EFCAB5: variants seen among roughly 807,000 people sequenced by gnomAD.
The protein encoded by EFCAB5 is EF-hand calcium-binding domain-containing protein 5.
In EFCAB5, 131 loss-of-function variants were observed where a neutral mutation model predicts 167.9. That is an observed-to-expected ratio of 0.78 (90% confidence interval 0.68 to 0.90). EFCAB5 has a LOEUF of 0.90. Ranked by LOEUF, EFCAB5 falls within the 40% of genes least tolerant of loss-of-function variation. The pLI, the probability that EFCAB5 is intolerant of heterozygous loss-of-function variation, is 0.00. For synonymous variants in EFCAB5, 574 were observed against 602.8 expected (o/e 0.95, Z 0.70); for missense variants, 1,663 against 1,745.2 (o/e 0.95, Z 0.84).
At chr17:29,983,887 G>T (rs2068227280) in intron 4 of EFCAB5, among the ~76,000 whole-genome samples, 1 of 152,096 alleles carries the variant, frequency 6.6e-6, no homozygotes, top group Non-Finnish European at 1.5e-5. Context: ...GAGACCTAAA[G>T]CATGTGGAGG....
At chr17:29,986,637 ATTT>A (rs911310972) in intron 4 of EFCAB5, among the ~76,000 whole-genome samples, 4 of 58,056 alleles carry the variant, frequency 6.9e-5, no homozygotes, top group East Asian at 1.1e-3. Context: ...GAGTATATTC[ATTT>A]TTTTTTTTTT....
intron 3 of EFCAB5, among the ~76,000 whole-genome samples, chr17:29,956,070 G>A (rs965763846): frequency 6.6e-6 from 1 of 152,152 alleles, no homozygotes; most frequent in Non-Finnish European, 1.5e-5. Context: ...TGGGGACAGA[G>A]CTTCCTATTC....
chr17:30,093,604 T>A (rs993157896), intron 22 of EFCAB5, among the ~76,000 whole-genome samples: 6 of 152,222 alleles, frequency 3.9e-5, no homozygotes, highest in African/African-American at 1.4e-4. Flanking sequence ...CAGAAGAGTT[T>A]CTGGATTAAC....
intron 8 of EFCAB5, among the ~76,000 whole-genome samples, chr17:30,042,740 T>C (rs2069809568): frequency 6.6e-6 from 1 of 152,164 alleles, no homozygotes; most frequent in Non-Finnish European, 1.5e-5. Context: ...CAAATCTACA[T>C]AAACTCTTTG....
intron 1 of EFCAB5, chr17:29,930,091 C>CG: frequency 2.6e-5 from 3 of 115,310 alleles, no homozygotes; most frequent in South Asian, 1.7e-4. Flanking sequence ...GAAAGGGGTG[C>CG]GGGGTGGGGG....
At chr17:30,098,302 A>T (rs2071332461) in intron 22 of EFCAB5, among the ~76,000 whole-genome samples, 1 of 151,082 alleles carries the variant, frequency 6.6e-6, no homozygotes, top group Non-Finnish European at 1.5e-5. Flanking sequence ...AGGTGGGCTG[A>T]TCGCTTGAGC....
At chr17:29,957,665 C>CT (rs1183227209) in intron 3 of EFCAB5, among the ~76,000 whole-genome samples, 1 of 152,080 alleles carries the variant, frequency 6.6e-6, no homozygotes, top group Non-Finnish European at 1.5e-5. Context: ...GATCTCATTC[C>CT]TTTTTATGGC....
chr17:29,956,773 C>G (rs181506695), intron 3 of EFCAB5, among the ~76,000 whole-genome samples: 1 of 151,080 alleles, frequency 6.6e-6, no homozygotes, highest in East Asian at 2.0e-4. Context: ...CAAAAGCAAG[C>G]AAAATTAACC....
intron 4 of EFCAB5, among the ~76,000 whole-genome samples, chr17:29,970,770 A>G (rs540271674): frequency 6.6e-6 from 1 of 151,904 alleles, no homozygotes; most frequent in South Asian, 2.1e-4. Context: ...TGTGTGAATT[A>G]TTGTTGCCCT....
At chr17:29,961,759 GT>G (rs2067724415) in intron 3 of EFCAB5, among the ~76,000 whole-genome samples, 7 of 151,580 alleles carry the variant, frequency 4.6e-5, no homozygotes. Context: ...TGGCTAATTT[GT>G]TTTTTTAATT....
chr17:29,974,968 G>T lies in EFCAB5; in HGVS notation c.767+5601G>T, dbSNP rs573874804. On this transcript the variant is annotated intron_variant, in intron 4 of 22. Transcript: ENST00000394835. ...CACTTTGAGAAGGTGAGGGCAGGAGGATTACTTGAGGCCACGAGTTCAAGA... is the reference window on the plus strand; with the variant it reads ...CACTTTGAGAAGGTGAGGGCAGGAGTATTACTTGAGGCCACGAGTTCAAGA... Among the ~76,000 whole-genome samples, 11 of 152,046 alleles carry T rather than the reference G, an allele frequency of 7.2e-5. No individual in the cohort carries two copies. The East Asian group carries it at 1.9e-3, about 27-fold the overall frequency.
intron 4 of EFCAB5, among the ~76,000 whole-genome samples, chr17:29,978,214 A>G (rs1248473170): frequency 6.6e-6 from 1 of 152,214 alleles, no homozygotes; most frequent in Non-Finnish European, 1.5e-5. Flanking sequence ...TGATATTAGT[A>G]ATATTAATCA....
chr17:29,961,150 C>T (rs749248015), intron 3 of EFCAB5, among the ~76,000 whole-genome samples: 2 of 152,142 alleles, frequency 1.3e-5, no homozygotes, highest in Non-Finnish European at 2.9e-5. Flanking sequence ...TTCTTATAAC[C>T]ATCTTAGTAA....
chr17:30,092,037 A>C lies in EFCAB5; in HGVS notation c.4104A>C (p.Lys1368Asn). 1 of 1,613,956 alleles carries C rather than the reference A, an allele frequency of 6.2e-7. No homozygotes were observed. Among genetic ancestry groups the C allele is most frequent in the Non-Finnish European group, 8.5e-7 (1 of 1,179,886 alleles). ...AGCCAAATTCTCCTCAAGACAGCAA[A>C]TCTATGGAGTTGGAAGCCAACGTGA... ...VTEPNSPQDS[K>N]SMELEANVKL... Residue 1368 changes from lysine to asparagine, a missense_variant, in exon 21 of 23, where the codon AAA becomes AAC. By Grantham distance (94) the Lys-to-Asn change is moderately conservative (BLOSUM62 0). Coordinates refer to ENST00000394835, the MANE Select transcript of EFCAB5 (RefSeq NM_198529.4).
chr17:30,078,331 C>G lies in EFCAB5; in HGVS notation c.2854C>G (p.Gln952Glu), dbSNP rs73274829. 4 of 1,613,884 alleles carry G rather than the reference C, an allele frequency of 2.5e-6. No homozygotes were observed. In the African/African-American group the frequency reaches 5.3e-5, roughly 22 times the overall value. ...VVSELRGNED[Q>E]VLESVVEFLM... ...GTCTGAACTCAGGGGCAATGAAGAC[C>G]AAGTTCTGGAAAGTGTTGTGGAATT... Residue 952 changes from glutamine (Q) to glutamate (E), a missense_variant, in exon 15 of 23, where the codon CAA becomes GAA. Gln to Glu is a conservative substitution (Grantham distance 29). Coordinates refer to ENST00000394835, the MANE Select transcript of EFCAB5 (RefSeq NM_198529.4).
chr17:30,014,015 T>C (rs985423362), intron 7 of EFCAB5, among the ~76,000 whole-genome samples: 4 of 152,222 alleles, frequency 2.6e-5, no homozygotes, highest in African/African-American at 9.7e-5. Flanking sequence ...TTTGTTCTCA[T>C]TGGTTTCAAA....
rs772777245 is a variant in EFCAB5, at chr17:29,996,984, G to A, written c.973+624G>A. On this transcript the variant is annotated intron_variant, in intron 6 of 22. Transcript: ENST00000394835. ...TCAGAGGCCGGGCACAGTGGCTCAC[G>A]CCTGTAATCCCAGCACTTTGGGAGC... Among the ~76,000 whole-genome samples, 17 of 152,086 alleles carry A rather than the reference G, an allele frequency of 1.1e-4. 1 individual carries two copies. Among genetic ancestry groups the A allele is most frequent in the Non-Finnish European group, 2.4e-4 (16 of 68,016 alleles).
intron 22 of EFCAB5, among the ~76,000 whole-genome samples, chr17:30,099,002 G>A (rs575324850): frequency 6.6e-6 from 1 of 152,240 alleles, no homozygotes; most frequent in East Asian, 1.9e-4. Context: ...TGCGTGTGTG[G>A]CTGAATAATA....
At chr17:29,940,354 A>G (rs899069638), upstream of EFCAB5, among the ~76,000 whole-genome samples, 2 of 152,048 alleles carry the variant, frequency 1.3e-5, no homozygotes, top group African/African-American at 4.8e-5. Context: ...TGGGATTACA[A>G]GCGTGAGCCC....
Sources: gnomAD v4.1 joint callset for allele counts (sites outside exome capture counted in the v4.1 genomes callset) on GRCh38, gnomAD v4.1.1 for gene constraint, MANE v1.5 for transcripts, NCBI Gene and HGNC (gene_info 2026-07-23, HGNC 2026-07-21) for gene names.